PDGFC: variants seen among roughly 807,000 people sequenced by gnomAD.
PDGFC encodes the protein platelet-derived growth factor C.
Under a neutral mutation model 35.5 loss-of-function variants are expected in PDGFC, and 12 were observed. The observed-to-expected ratio is 0.34, with a 90% CI of 0.22 to 0.55. The LOEUF is 0.55. Ranked by LOEUF, PDGFC falls within the 20% of genes least tolerant of loss-of-function variation. The probability of loss-of-function intolerance (pLI) is 0.91; values close to 1 mark genes in which losing one functional copy is unlikely to be tolerated. For missense variants in PDGFC, 322 were observed against 412.4 expected (o/e 0.78, Z 1.90); for synonymous variants, 159 against 148.8 (o/e 1.07, Z -0.50).
intron 2 of PDGFC, among the ~76,000 whole-genome samples, chr4:156,825,699 A>G (rs568436594): frequency 2.3e-3 from 351 of 151,574 alleles, no homozygotes; most frequent in South Asian, 0.011. Context: ...AGAGTGTTCC[A>G]GGTATAAGAA....
chr4:156,952,262 T>C (rs894826656), intron 1 of PDGFC, among the ~76,000 whole-genome samples: 3 of 151,894 alleles, frequency 2.0e-5, no homozygotes, highest in African/African-American at 4.8e-5. Flanking sequence ...AAACTAATGA[T>C]GGAATTAACC....
chr4:156,834,830 C>T (rs1041161719), intron 2 of PDGFC, among the ~76,000 whole-genome samples: 2 of 151,998 alleles, frequency 1.3e-5, no homozygotes, highest in Non-Finnish European at 2.9e-5. Context: ...TACTTCATAA[C>T]TGTCAGTAGC....
intron 1 of PDGFC, among the ~76,000 whole-genome samples, chr4:156,868,985 T>G (rs780383488): frequency 8.5e-5 from 13 of 152,222 alleles, no homozygotes; most frequent in Admixed American, 2.6e-4. Context: ...AAACTCACGA[T>G]CAGTTTAGGA....
At chr4:156,789,976 CAAAAAAA>C in intron 3 of PDGFC, among the ~76,000 whole-genome samples, 1 of 55,934 alleles carries the variant, frequency 1.8e-5, no homozygotes, top group East Asian at 5.6e-4. Context: ...GTCTCCATCT[CAAAAAAA>C]AAAAAAAAAA....
At chr4:156,962,831 T>C (rs552900175) in intron 1 of PDGFC, among the ~76,000 whole-genome samples, 32 of 152,132 alleles carry the variant, frequency 2.1e-4, no homozygotes, top group Admixed American at 1.5e-3. Flanking sequence ...TGAGGACACA[T>C]GTGGCACCTA....
intron 3 of PDGFC, 55 bp from the exon 4 acceptor site, chr4:156,772,948 T>C: frequency 8.7e-7 from 1 of 1,151,446 alleles, no homozygotes; most frequent in Non-Finnish European, 1.3e-6. Flanking sequence ...ATGTATTCCT[T>C]CTGGACATAT....
intron 1 of PDGFC, among the ~76,000 whole-genome samples, chr4:156,900,954 AG>A (rs1247179266): frequency 6.6e-6 from 1 of 150,588 alleles, no homozygotes; most frequent in Non-Finnish European, 1.5e-5. Flanking sequence ...GGAGGAAGTG[AG>A]GGAGGGAGGA....
At chr4:156,858,786 ATATATCCT>A (rs570637493) in intron 1 of PDGFC, among the ~76,000 whole-genome samples, 392 of 152,270 alleles carry the variant, frequency 2.6e-3, no homozygotes, top group Non-Finnish European at 4.1e-3. Context: ...AATTCACATT[ATATATCCT>A]TTAAACAAAC....
At chr4:156,888,151 G>C (rs192645338) in intron 1 of PDGFC, among the ~76,000 whole-genome samples, 67 of 152,046 alleles carry the variant, frequency 4.4e-4, no homozygotes, top group Admixed American at 1.3e-3. Flanking sequence ...CTTGTCAACC[G>C]TAGTACTTGT....
chr4:156,837,093 AT>A (rs1257694384), intron 2 of PDGFC, among the ~76,000 whole-genome samples: 1 of 152,254 alleles, frequency 6.6e-6, no homozygotes, highest in Admixed American at 6.5e-5. Flanking sequence ...GGAATATGAT[AT>A]TAATATTTCA....
chr4:156,922,546 C>T (rs756672502), intron 1 of PDGFC, among the ~76,000 whole-genome samples: 1 of 152,136 alleles, frequency 6.6e-6, no homozygotes, highest in Admixed American at 6.6e-5. Flanking sequence ...GCACAGACCT[C>T]AAAAGACTCA....
intron 3 of PDGFC, among the ~76,000 whole-genome samples, chr4:156,785,046 A>T (rs1224370653): frequency 6.6e-6 from 1 of 152,242 alleles, no homozygotes; most frequent in Admixed American, 6.5e-5. Flanking sequence ...TATTCTCAAT[A>T]ATTTTTAGTG....
intron 1 of PDGFC, among the ~76,000 whole-genome samples, chr4:156,853,705 T>C (rs189559572): frequency 3.3e-4 from 50 of 152,322 alleles, no homozygotes; most frequent in African/African-American, 1.2e-3. Context: ...CTCCTGTCTG[T>C]AATCCCAGCA....
At chr4:156,890,687 A>C (rs1272027457) in intron 1 of PDGFC, among the ~76,000 whole-genome samples, 3 of 152,146 alleles carry the variant, frequency 2.0e-5, no homozygotes, top group Non-Finnish European at 4.4e-5. Context: ...TTTTTACCTA[A>C]CTCATAACAC....
At chr4:156,896,757 G>A (rs1340932805) in intron 1 of PDGFC, among the ~76,000 whole-genome samples, 1 of 152,158 alleles carries the variant, frequency 6.6e-6, no homozygotes. Context: ...TAGAGGGTAG[G>A]AAGTTATTCA....
Position 156,818,613 on chromosome 4 carries a change from T to C in PDGFC, c.315-7596A>G, listed in dbSNP as rs551951915. On this transcript the variant is annotated intron_variant, in intron 2 of 5. Transcript: ENST00000502773. The stretch of plus-strand genomic sequence containing the variant: ...TTGGCTCACTGCAAGCTCCGCCTCC[T>C]GGGTTCACGCCATTCTCCTGCCTCA... Among the ~76,000 whole-genome samples the C allele has an allele frequency of 5.0e-5, 7 of 140,326 alleles. No individual in the cohort carries two copies. In the South Asian group the frequency reaches 1.2e-3, roughly 24 times the overall value. The allele number at this position is 140,326 out of a possible 152,430, so 92.1% of individuals were successfully genotyped here.
intron 3 of PDGFC, among the ~76,000 whole-genome samples, chr4:156,789,761 G>A (rs1248500807): frequency 6.6e-6 from 1 of 152,104 alleles, no homozygotes; most frequent in Non-Finnish European, 1.5e-5. Flanking sequence ...CGGATCATGA[G>A]GTCAGGAGAT....
chr4:156,769,963 A>C (rs1465705615), intron 4 of PDGFC, among the ~76,000 whole-genome samples: 1 of 152,022 alleles, frequency 6.6e-6, no homozygotes, highest in Non-Finnish European at 1.5e-5. Flanking sequence ...TGAGTGAAGA[A>C]GCTCTCAGCT....
chr4:156,970,400 C>T (rs972717525), intron 1 of PDGFC, among the ~76,000 whole-genome samples: 2 of 152,172 alleles, frequency 1.3e-5, no homozygotes, highest in African/African-American at 2.4e-5. Flanking sequence ...ACCGACCCCC[C>T]TCGCCCTCCC....
Sources: gnomAD v4.1 joint callset for allele counts (sites outside exome capture counted in the v4.1 genomes callset) on GRCh38, gnomAD v4.1.1 for gene constraint, MANE v1.5 for transcripts, NCBI Gene and HGNC (gene_info 2026-07-23, HGNC 2026-07-21) for gene names.